Variants in DGKK observed in about 807,000 individuals in gnomAD.
DGKK encodes 142 kDa diacylglycerol kinase.
Under a neutral mutation model 92.2 loss-of-function variants are expected in DGKK, and 35 were observed. The observed-to-expected ratio is 0.38, with a 90% CI of 0.29 to 0.50. The LOEUF (loss-of-function observed/expected upper bound fraction) is 0.50, where lower values mean the gene tolerates loss of function less well. Ranked by LOEUF, DGKK falls within the 20% of genes least tolerant of loss-of-function variation. The probability of loss-of-function intolerance (pLI) is 0.92; values close to 1 mark genes in which losing one functional copy is unlikely to be tolerated. For synonymous variants in DGKK, 368 were observed against 360.6 expected (o/e 1.02, Z -0.23); for missense variants, 910 against 992.2 (o/e 0.92, Z 1.11).
intron 4 of DGKK, among the ~76,000 whole-genome samples, chrX:50,408,635 G>A (rs1234919369): frequency 2.7e-5 from 3 of 110,440 alleles, no homozygotes; most frequent in African/African-American, 9.9e-5. Flanking sequence ...CGCCCGCCTC[G>A]GCCTCCCAAA....
rs1927047050 is a variant in DGKK at position 50,470,550 on chromosome X, C to T, written c.129G>A (p.Pro43=). ...CTGGCGAAGCCTCGGAGAGCAGCGG[C>T]GGAGCCGGCGGCGGAGCCGGTGGTG... ...PPPPPAPPPA[P]PLLSEASPEP... The change falls in exon 1 of 28, where the codon CCG becomes CCA. Residue 43 remains proline (P), a synonymous_variant. Transcript: ENST00000611977. The T allele has an allele frequency of 8.3e-7, 1 of 1,205,112 alleles. No individual in the cohort carries two copies. Among genetic ancestry groups the T allele is most frequent in the South Asian group, 1.8e-5 (1 of 56,733 alleles).
Position 50,447,330 on chromosome X carries a change from A to ATATATATATATAT in DGKK, c.645+22691_645+22703dup, listed in dbSNP as rs1926339538. ...AAGTAGTATGTGTGTGTGTATGTAT[A>ATATATATATATAT]TATATATATATATTATATATATATA... On this transcript the variant is annotated intron_variant, in intron 1 of 27. Coordinates refer to ENST00000611977, the MANE Select transcript of DGKK (RefSeq NM_001013742.4). Among the ~76,000 whole-genome samples, 49 of 23,625 alleles carry ATATATATATATAT rather than the reference A, an allele frequency of 2.1e-3. 1 individual carries two copies. The highest frequency in any genetic ancestry group is 2.9e-3 in the Admixed American group (3 of 1,042). The allele number at this position is 23,625 out of a possible 115,157, so 20.5% of individuals were successfully genotyped here.
At chrX:50,376,520 T>C (rs1381737654) in intron 23 of DGKK, among the ~76,000 whole-genome samples, 3 of 111,744 alleles carry the variant, frequency 2.7e-5, no homozygotes, top group African/African-American at 9.8e-5. Context: ...TGGGTTTGGA[T>C]TAGCAACAAG....
intron 1 of DGKK, among the ~76,000 whole-genome samples, chrX:50,437,231 A>G (rs1557230864): frequency 9.0e-6 from 1 of 111,489 alleles, no homozygotes; most frequent in African/African-American, 3.3e-5. Flanking sequence ...ACCTACTGCT[A>G]CCTTTTTCAC....
chrX:50,460,896 A>T (rs1602306908), intron 1 of DGKK, among the ~76,000 whole-genome samples: 1 of 101,326 alleles, frequency 9.9e-6, no homozygotes, highest in African/African-American at 3.6e-5. Flanking sequence ...GCCATCACTA[A>T]TTTTTTTTTT....
At chrX:50,403,975 C>A in intron 5 of DGKK, 74 bp downstream of exon 5, 1 of 1,146,273 alleles carries the variant, frequency 8.7e-7, no homozygotes, top group Non-Finnish European at 1.2e-6. Context: ...GTTAATGATA[C>A]TAAAGCCACA....
chrX:50,439,375 C>G (rs1184447027), intron 1 of DGKK, among the ~76,000 whole-genome samples: 7 of 111,553 alleles, frequency 6.3e-5, no homozygotes, highest in Non-Finnish European at 1.3e-4. Flanking sequence ...AACTTAAAAA[C>G]CTTTGCAATT....
At chrX:50,412,176 T>C (rs1925320463) in intron 4 of DGKK, among the ~76,000 whole-genome samples, 1 of 111,376 alleles carries the variant, frequency 9.0e-6, no homozygotes, top group African/African-American at 3.3e-5. Context: ...TAATGAACTA[T>C]GTGAAAAGGA....
In DGKK at chrX:50,470,643, G is replaced by T. The variant is rs1927053717; in HGVS notation, c.36C>A (p.Ala12=). 1.8e-6 allele frequency: 2 copies of T among 1,141,887 alleles called. No individual in the cohort carries two copies. The highest frequency in any genetic ancestry group is 1.2e-6 in the Non-Finnish European group (1 of 867,305). The allele number at this position is 1,141,887 out of a possible 1,213,427, so 94.1% of individuals were successfully genotyped here. Residue 12 remains alanine (A), a synonymous_variant, in exon 1 of 28, where the codon GCC becomes GCA. Transcript: ENST00000611977. ...DRGAAAAQGT[A]PPQDGEQPAE... Reference sequence around the variant, plus strand: ...CGGGCTGCTCTCCATCCTGAGGCGGGGCAGTGCCCTGGGCTGCGGCAGCTC... The same window carrying T: ...CGGGCTGCTCTCCATCCTGAGGCGGTGCAGTGCCCTGGGCTGCGGCAGCTC...
intron 1 of DGKK, among the ~76,000 whole-genome samples, chrX:50,445,824 A>G (rs782173810): frequency 6.3e-5 from 7 of 111,091 alleles, no homozygotes; most frequent in Non-Finnish European, 7.6e-5. Context: ...GAATAATGTC[A>G]TTGGTACTTT....
chrX:50,384,712 A>T lies in DGKK; in HGVS notation c.2452+8T>A. ...TAGAATAAGGGAAGAAGACAGAAAGATCCTTACGGCGTCGTGGGCTTGTCT... is the reference window on the plus strand; with the variant it reads ...TAGAATAAGGGAAGAAGACAGAAAGTTCCTTACGGCGTCGTGGGCTTGTCT... On this transcript the variant is annotated splice_region_variant and intron_variant, in intron 16 of 27. Transcript: ENST00000611977. The T allele has an allele frequency of 8.3e-7, 1 of 1,202,113 alleles. No individual in the cohort carries two copies. Among genetic ancestry groups the T allele is most frequent in the South Asian group, 1.8e-5 (1 of 55,663 alleles).
rs915459391 is a variant in DGKK at position 50,470,618 on chromosome X, C to T, written c.61G>A (p.Ala21Thr). 7 of 1,170,794 alleles carry T rather than the reference C, an allele frequency of 6.0e-6. No individual in the cohort carries two copies. Among genetic ancestry groups the T allele is most frequent in the Non-Finnish European group, 8.0e-6 (7 of 879,993 alleles). Residue 21 changes from alanine (A) to threonine (T), a missense_variant, in exon 1 of 28, where the codon GCT becomes ACT. By Grantham distance (58) the Ala-to-Thr change is moderately conservative. Coordinates refer to ENST00000611977, the MANE Select transcript of DGKK (RefSeq NM_001013742.4). The part of the protein sequence containing the change: ...TAPPQDGEQP[A>T]ESPEPPPPWP... Reference sequence around the variant, plus strand: ...GGCGGCGGAGGCTCTGGAGACTCAGCGGGCTGCTCTCCATCCTGAGGCGGG... The same window carrying T: ...GGCGGCGGAGGCTCTGGAGACTCAGTGGGCTGCTCTCCATCCTGAGGCGGG...
At chrX:50,461,405 A>C (rs1557233338) in intron 1 of DGKK, among the ~76,000 whole-genome samples, 2 of 112,543 alleles carry the variant, frequency 1.8e-5, no homozygotes, top group Non-Finnish European at 1.9e-5. Context: ...AGAGAAAATA[A>C]ATGAAAAATA....
At chrX:50,405,978 C>T (rs1003896230) in intron 4 of DGKK, among the ~76,000 whole-genome samples, 1 of 111,527 alleles carries the variant, frequency 9.0e-6, no homozygotes, top group African/African-American at 3.3e-5. Context: ...CCAATAATTA[C>T]TAAGAACCTA....
intron 12 of DGKK, 110 bp from the exon 13 acceptor site, chrX:50,388,728 T>C (rs2147123425): frequency 2.1e-6 from 1 of 472,596 alleles, no homozygotes; most frequent in East Asian, 4.0e-5. Flanking sequence ...TACCCGCAAC[T>C]CAACTGCCTC....
At chrX:50,467,600 C>T (rs1281938829) in intron 1 of DGKK, among the ~76,000 whole-genome samples, 1 of 112,917 alleles carries the variant, frequency 8.9e-6, no homozygotes, top group African/African-American at 3.2e-5. Flanking sequence ...CACGCCTGTG[C>T]GTGTTGCACA....
chrX:50,390,937 C>T lies in DGKK; in HGVS notation c.1844+500G>A, dbSNP rs1274633058. On this transcript the variant is annotated intron_variant, in intron 11 of 27. Coordinates refer to ENST00000611977, the MANE Select transcript of DGKK (RefSeq NM_001013742.4). ...TTATTTCTAAACTCTCCCTCCATCCCTTTTTTAGTTTCTTTGAAAATCTGA... is the reference window on the plus strand; with the variant it reads ...TTATTTCTAAACTCTCCCTCCATCCTTTTTTTAGTTTCTTTGAAAATCTGA... 4.5e-5 allele frequency among the ~76,000 whole-genome samples: 5 copies of T among 111,594 alleles called. No homozygotes were observed. In the Admixed American group the frequency reaches 4.7e-4, roughly 11 times the overall value.
At chrX:50,426,677 A>C (rs1376600183) in intron 1 of DGKK, among the ~76,000 whole-genome samples, 1 of 111,703 alleles carries the variant, frequency 9.0e-6, no homozygotes, top group Non-Finnish European at 1.9e-5. Context: ...AGTTTTCTAT[A>C]TCTCCCCATA....
At chrX:50,440,189 C>T (rs1293596617) in intron 1 of DGKK, among the ~76,000 whole-genome samples, 1 of 111,953 alleles carries the variant, frequency 8.9e-6, no homozygotes, top group East Asian at 2.8e-4. Context: ...TCAAGAGCTG[C>T]TATAATCTGC....
Sources: allele counts gnomAD v4.1 joint callset (sites outside exome capture counted in the v4.1 genomes callset), GRCh38; gene constraint gnomAD v4.1.1; transcripts MANE v1.5; gene names NCBI Gene and HGNC (gene_info 2026-07-23, HGNC 2026-07-21).